Variants in BRINP3 observed in about 807,000 individuals in gnomAD.
BRINP3 encodes the protein BMP/retinoic acid-inducible neural-specific protein 3.
Under a neutral mutation model 71.0 loss-of-function variants are expected in BRINP3, and 19 were observed. That is an observed-to-expected ratio of 0.27 (90% CI 0.19 to 0.39). The LOEUF (loss-of-function observed/expected upper bound fraction) is 0.39, where lower values mean the gene tolerates loss of function less well. BRINP3 is among the 10% of genes least tolerant of loss of function. BRINP3 has a pLI of 1.00. For missense variants in BRINP3, 959 were observed against 940.8 expected, an observed-to-expected ratio of 1.02 and a Z score of -0.25; for synonymous variants, 380 against 337.7, an observed-to-expected ratio of 1.13 and a Z score of -1.37.
chr1:190,424,412 G>C (rs575286209), intron 2 of BRINP3, among the ~76,000 whole-genome samples: 16 of 151,712 alleles, frequency 1.1e-4, no homozygotes, highest in Admixed American at 6.6e-4. Context: ...TTTTAAAATT[G>C]GAGGTAGAGT....
At chr1:190,470,111 A>G (rs1454583397) in intron 1 of BRINP3, among the ~76,000 whole-genome samples, 9 of 150,980 alleles carry the variant, frequency 6.0e-5, no homozygotes, top group African/African-American at 2.4e-5. Context: ...GGTCTTCCCA[A>G]CTCTAGATTG....
intron 6 of BRINP3, among the ~76,000 whole-genome samples, chr1:190,214,125 G>C (rs1020782800): frequency 1.3e-5 from 2 of 152,128 alleles, no homozygotes; most frequent in Non-Finnish European, 2.9e-5. Context: ...AATCTTCAAA[G>C]AGCATTCCCC....
At chr1:190,323,239 TGTTAA>T (rs778504526) in intron 2 of BRINP3, among the ~76,000 whole-genome samples, 59 of 152,170 alleles carry the variant, frequency 3.9e-4, no homozygotes, top group Non-Finnish European at 4.9e-4. Context: ...CAAATTTATA[TGTTAA>T]GTTGTCAAAT....
intron 6 of BRINP3, among the ~76,000 whole-genome samples, chr1:190,189,747 A>C (rs1010783334): frequency 2.0e-5 from 3 of 152,126 alleles, no homozygotes; most frequent in Non-Finnish European, 2.9e-5. Context: ...CAGACAATTT[A>C]TAATTACCAT....
chr1:190,261,803 G>A (rs1187683700), intron 4 of BRINP3, among the ~76,000 whole-genome samples: 1 of 152,096 alleles, frequency 6.6e-6, no homozygotes, highest in Non-Finnish European at 1.5e-5. Context: ...ACAATTTAAA[G>A]CATACAAGCA....
intron 1 of BRINP3, among the ~76,000 whole-genome samples, chr1:190,461,537 T>C (rs761449668): frequency 1.1e-4 from 16 of 152,136 alleles, no homozygotes; most frequent in East Asian, 1.9e-4. Flanking sequence ...TAGATTAATT[T>C]TGGGAGAAAA....
chr1:190,201,116 A>T (rs1331579332), intron 6 of BRINP3, among the ~76,000 whole-genome samples: 2 of 152,164 alleles, frequency 1.3e-5, no homozygotes, highest in Non-Finnish European at 2.9e-5. Flanking sequence ...GGAACTTCCT[A>T]GAAACTTGTT....
At chr1:190,322,377 C>T (rs1301196579) in intron 2 of BRINP3, among the ~76,000 whole-genome samples, 2 of 151,922 alleles carry the variant, frequency 1.3e-5, no homozygotes, top group Non-Finnish European at 2.9e-5. Context: ...TGCCTGAGAA[C>T]AAAATAATAG....
chr1:190,281,979 C>G (rs902903772), intron 2 of BRINP3, among the ~76,000 whole-genome samples: 1 of 148,954 alleles, frequency 6.7e-6, no homozygotes, highest in East Asian at 2.1e-4. Flanking sequence ...ACAGCTTCCA[C>G]TGAGATTTTT....
At chr1:190,125,878 C>A (rs943094011) in intron 7 of BRINP3, among the ~76,000 whole-genome samples, 2 of 151,950 alleles carry the variant, frequency 1.3e-5, no homozygotes, top group African/African-American at 4.8e-5. Context: ...TTTTTCATTT[C>A]TCCTTCGCTG....
At chr1:190,455,145 T>G (rs1222657109) in intron 1 of BRINP3, among the ~76,000 whole-genome samples, 1 of 152,152 alleles carries the variant, frequency 6.6e-6, no homozygotes, top group Non-Finnish European at 1.5e-5. Context: ...TAATGGAAAA[T>G]AAGACATTGA....
At chr1:190,250,438 C>A (rs1415984824) in intron 4 of BRINP3, among the ~76,000 whole-genome samples, 1 of 151,824 alleles carries the variant, frequency 6.6e-6, no homozygotes, top group Non-Finnish European at 1.5e-5. Context: ...TATTTTTAAA[C>A]TCATTTTTAC....
intron 5 of BRINP3, among the ~76,000 whole-genome samples, 193 bp downstream of exon 5, chr1:190,234,179 T>G (rs1374358193): frequency 2.0e-5 from 3 of 152,148 alleles, no homozygotes; most frequent in Non-Finnish European, 4.4e-5. Flanking sequence ...GAAAAGAAAA[T>G]TTTTGATATT....
chr1:190,184,792 T>C (rs140735290), intron 6 of BRINP3, among the ~76,000 whole-genome samples: 2 of 152,122 alleles, frequency 1.3e-5, no homozygotes, highest in Admixed American at 6.6e-5. Context: ...ATATACTATA[T>C]TCACTACCTG....
At chr1:190,296,676 C>T (rs955476599) in intron 2 of BRINP3, among the ~76,000 whole-genome samples, 6 of 151,966 alleles carry the variant, frequency 3.9e-5, no homozygotes, top group African/African-American at 1.4e-4. Flanking sequence ...CCTAAAGACT[C>T]CACTAAACCA....
At position 190,350,984 on chromosome 1, in the gene BRINP3, GGC is replaced by G. The variant is rs756885591; in HGVS notation, c.237-69236_237-69235del. On this transcript the variant is annotated intron_variant, in intron 2 of 7. Transcript: ENST00000367462. Reference sequence around the variant, plus strand: ...ATTACAGGCATGTGCCATCATGCCAGGCTAATTTTGGGGTTTTTCCATGTTGT... The same window carrying G: ...ATTACAGGCATGTGCCATCATGCCAGTAATTTTGGGGTTTTTCCATGTTGT... 7.2e-5 allele frequency among the ~76,000 whole-genome samples: 11 copies of G among 152,044 alleles called. No individual in the cohort carries two copies. In the South Asian group the frequency reaches 2.3e-3, roughly 32 times the overall value.
At chr1:190,114,616 C>T (rs1390581502) in intron 7 of BRINP3, among the ~76,000 whole-genome samples, 2 of 151,282 alleles carry the variant, frequency 1.3e-5, no homozygotes, top group Non-Finnish European at 2.9e-5. Flanking sequence ...AATTATATTA[C>T]ACCAAAGTAG....
At chr1:190,141,032 G>T (rs1372199626) in intron 7 of BRINP3, among the ~76,000 whole-genome samples, 1 of 152,140 alleles carries the variant, frequency 6.6e-6, no homozygotes, top group Non-Finnish European at 1.5e-5. Context: ...AACAGGTGCA[G>T]AATTATACAC....
At chr1:190,473,841 G>A (rs2490271) in intron 1 of BRINP3, among the ~76,000 whole-genome samples, 117,978 of 150,600 alleles carry the variant, frequency 0.78, 46,367 homozygotes, top group Non-Finnish European at 0.82. Flanking sequence ...GGGGTTGTAC[G>A]CTACACTGCC....
Sources: gnomAD v4.1 joint callset for allele counts (sites outside exome capture counted in the v4.1 genomes callset) on GRCh38, gnomAD v4.1.1 for gene constraint, MANE v1.5 for transcripts, NCBI Gene and HGNC (gene_info 2026-07-23, HGNC 2026-07-21) for gene names.